ERCC1: variants seen among roughly 807,000 people sequenced by gnomAD.
The protein encoded by ERCC1 is DNA excision repair protein ERCC-1.
In ERCC1, 36 loss-of-function variants were observed where a neutral mutation model predicts 37.6. The observed-to-expected ratio is 0.96, with a 90% confidence interval of 0.73 to 1.26. The LOEUF is 1.26. ERCC1 is among the 50% of genes most tolerant of loss of function. The pLI is 0.00. For missense variants in ERCC1, 349 were observed against 376.5 expected, an observed-to-expected ratio of 0.93 and a Z score of 0.60; for synonymous variants, 156 against 162.1, an observed-to-expected ratio of 0.96 and a Z score of 0.28.
At chr19:45,433,849 C>T (rs1326439916) in intron 1 of ERCC1, among the ~76,000 whole-genome samples, 3 of 151,604 alleles carry the variant, frequency 2.0e-5, no homozygotes, top group South Asian at 4.2e-4. Context: ...AAGGAGAGAC[C>T]TGGCTGGGCA....
intron 6 of ERCC1, among the ~76,000 whole-genome samples, chr19:45,416,329 G>T (rs1281420698): frequency 6.6e-6 from 1 of 152,168 alleles, no homozygotes; most frequent in Non-Finnish European, 1.5e-5. Context: ...TTATTTTCCC[G>T]CTGCAGCAAG....
Position 45,407,825 on chromosome 19 carries a change from G to C in ERCC1, c.*1850C>G, listed in dbSNP as rs996116077. 3.6e-6 allele frequency: 1 copy of C among 276,690 alleles called. No homozygotes were observed. The highest frequency in any genetic ancestry group is 2.2e-5 in the African/African-American group (1 of 46,436). The allele number at this position is 276,690 out of a possible 1,614,324, so 17.1% of individuals were successfully genotyped here. A position where few individuals can be genotyped will look rare whatever the true frequency, so the allele number is the denominator to read the frequency against. ...TAATCCCATCCTTTGGGAGGCCGAG[G>C]CGAGCAGATCACTTGAGGTCAGGAG... On this transcript the variant is annotated 3_prime_UTR_variant, in exon 10 of 10. Coordinates refer to ENST00000300853, the MANE Select transcript of ERCC1 (RefSeq NM_001983.4).
chr19:45,432,848 C>T (rs747836455), intron 1 of ERCC1, among the ~76,000 whole-genome samples: 3 of 152,176 alleles, frequency 2.0e-5, no homozygotes, highest in Admixed American at 6.6e-5. Context: ...GGGCGGATCA[C>T]GTGAGGTTGG....
chr19:45,414,087 G>C (rs1973903186), intron 7 of ERCC1, 53 bp from the exon 8 acceptor site: 1 of 1,453,310 alleles, frequency 6.9e-7, no homozygotes, highest in South Asian at 1.1e-5. Context: ...CAGCAAGACT[G>C]AGCCTAGGAG....
In ERCC1 at chr19:45,409,467, A is replaced by G. The variant is rs770839696; in HGVS notation, c.*208T>C. 2.5e-6 allele frequency: 4 copies of G among 1,612,008 alleles called. No individual in the cohort carries two copies. In the Admixed American group the frequency reaches 5.0e-5, roughly 20 times the overall value. ...GAGGAGGCTCCCACAGGCCGGGACAAGAAGCGGAAGCAGCAGCAGCAGCAG... is the reference window on the plus strand; with the variant it reads ...GAGGAGGCTCCCACAGGCCGGGACAGGAAGCGGAAGCAGCAGCAGCAGCAG... On this transcript the variant is annotated 3_prime_UTR_variant, in exon 10 of 10. Transcript: ENST00000300853.
chr19:45,409,815 T>C, intron 9 of ERCC1, 90 bp from the exon 10 acceptor site: 1 of 716,844 alleles, frequency 1.4e-6, no homozygotes. Context: ...TTCTTTATTT[T>C]CCCCTATACC....
At chr19:45,438,307 A>G (rs1166249586) in intron 1 of ERCC1, among the ~76,000 whole-genome samples, 1 of 152,142 alleles carries the variant, frequency 6.6e-6, no homozygotes, top group African/African-American at 2.4e-5. Context: ...GGCTCAAGCC[A>G]TCCTCCTGCT....
chr19:45,416,844 G>A lies in ERCC1; in HGVS notation c.579C>T (p.Asp193=), dbSNP rs773470379. The change falls in exon 6 of 10, where the codon GAC becomes GAT. Residue 193 remains aspartate, a synonymous_variant. Coordinates refer to ENST00000300853, the MANE Select transcript of ERCC1 (RefSeq NM_001983.4). The stretch of plus-strand genomic sequence containing the variant: ...ACCTCCAGGCGAGGATCAATGTGCA[G>A]TCGGCCAGGATACACATCTTAGCCA... ...KELAKMCILA[D]CTLILAWSPE... The A allele has an allele frequency of 6.2e-7, 1 of 1,613,724 alleles. No individual in the cohort carries two copies. Among genetic ancestry groups the A allele is most frequent in the South Asian group, 1.1e-5 (1 of 91,074 alleles).
chr19:45,442,369 C>A (rs1364841323), intron 1 of ERCC1, among the ~76,000 whole-genome samples: 1 of 151,478 alleles, frequency 6.6e-6, no homozygotes, highest in Admixed American at 6.6e-5. Context: ...AAAGGGTATA[C>A]CTTGGAAAAG....
intron 9 of ERCC1, among the ~76,000 whole-genome samples, chr19:45,411,824 C>T (rs1330496868): frequency 6.7e-6 from 1 of 149,956 alleles, no homozygotes; most frequent in Non-Finnish European, 1.5e-5. Flanking sequence ...TTTAATAGAG[C>T]TGAGATGGTA....
At chr19:45,439,728 G>C (rs541049625) in intron 1 of ERCC1, among the ~76,000 whole-genome samples, 1 of 152,052 alleles carries the variant, frequency 6.6e-6, no homozygotes, top group Non-Finnish European at 1.5e-5. Flanking sequence ...CCGGCTCGCC[G>C]GCGCCCGGGA....
chr19:45,450,887 G>C (rs1202230971), intron 1 of ERCC1, among the ~76,000 whole-genome samples: 756 of 59,290 alleles, frequency 0.013, no homozygotes, highest in Non-Finnish European at 0.017. Flanking sequence ...CCGTGCGCCC[G>C]CCCCCCCCCC....
In ERCC1 at chr19:45,408,720, A is replaced by G. The variant is rs968900148; in HGVS notation, c.*955T>C. On this transcript the variant is annotated 3_prime_UTR_variant, in exon 10 of 10. Coordinates refer to ENST00000300853, the MANE Select transcript of ERCC1 (RefSeq NM_001983.4). ...GGAGTGCTGTTCCCGTCCACCACCA[A>G]GAAGAGGAAGAAGCCCAAAGGGAAA... is the stretch of plus-strand genomic sequence containing the variant. 15 of 1,613,916 alleles carry G rather than the reference A, an allele frequency of 9.3e-6. No homozygotes were observed. The Admixed American group carries it at 2.3e-4, about 25-fold the overall frequency.
chr19:45,423,680 T>G, intron 1 of ERCC1, 101 bp downstream of exon 1: 3 of 1,256,444 alleles, frequency 2.4e-6, no homozygotes, highest in Non-Finnish European at 3.0e-6. Flanking sequence ...GAGGCTAGCA[T>G]CTGGACGCCC....
chr19:45,441,930 C>T (rs1393432336), intron 1 of ERCC1, among the ~76,000 whole-genome samples: 4 of 152,084 alleles, frequency 2.6e-5, no homozygotes, highest in Admixed American at 2.6e-4. Flanking sequence ...GATCCGCCTG[C>T]CTCGGCCTCC....
chr19:45,444,412 A>G (rs1170714939), intron 1 of ERCC1, among the ~76,000 whole-genome samples: 1 of 147,646 alleles, frequency 6.8e-6, no homozygotes. Context: ...CCAGAGACCC[A>G]GTTTGCTGCG....
intron 2 of ERCC1, 49 bp downstream of exon 2, chr19:45,423,221 G>A (rs1434803407): frequency 3.2e-6 from 5 of 1,559,104 alleles, no homozygotes; most frequent in Admixed American, 3.7e-5. Context: ...TATCCTCTTC[G>A]TCCTAACAGC....
chr19:45,420,698 C>T lies in ERCC1; in HGVS notation c.322-271G>A, dbSNP rs1974362002. On this transcript the variant is annotated intron_variant, in intron 3 of 9. Transcript: ENST00000300853. This position sits in a 1 kb window ranked among gnomAD's most constrained non-coding sequence, Gnocchi z 4.8. ...TGGCACCAGGCCTTTCCTAAAGGGT[C>T]CCCGGGTCTGTCTCCAGCTCAGCCC... is the stretch of plus-strand genomic sequence containing the variant. 6.6e-6 allele frequency among the ~76,000 whole-genome samples: 1 copy of T among 152,128 alleles called. No individual in the cohort carries two copies. The highest frequency in any genetic ancestry group is 2.4e-5 in the African/African-American group (1 of 41,416).
chr19:45,417,538 C>T (rs3212964), intron 5 of ERCC1, among the ~76,000 whole-genome samples: 27,478 of 151,848 alleles, frequency 0.18, 2,807 homozygotes, highest in East Asian at 0.43. Context: ...AATTATAATT[C>T]GCTCCCTACG....
Sources: gnomAD v4.1 joint callset for allele counts (sites outside exome capture counted in the v4.1 genomes callset) on GRCh38, gnomAD v4.1.1 for gene constraint, Gnocchi (gnomAD v3.1) non-coding constraint, MANE v1.5 for transcripts, NCBI Gene and HGNC (gene_info 2026-07-23, HGNC 2026-07-21) for gene names.